Variants in PTPN12 observed in about 807,000 individuals in gnomAD.
PTPN12 encodes the protein protein tyrosine phosphatase non-receptor type 12.
Under a neutral mutation model 97.6 loss-of-function variants are expected in PTPN12, and 29 were observed. The observed-to-expected ratio is 0.30, with a 90% CI of 0.22 to 0.41. The LOEUF is 0.41. Ranked by LOEUF, PTPN12 falls within the 10% of genes least tolerant of loss-of-function variation. The pLI is 1.00. For synonymous variants in PTPN12, 327 were observed against 300.4 expected (o/e 1.09, Z -0.91); for missense variants, 819 against 926.0 (o/e 0.88, Z 1.50).
At position 77,639,382 on chromosome 7, in the gene PTPN12, G is replaced by A. The variant is rs192493888; in HGVS notation, c.*102G>A. Reference sequence around the variant, plus strand: ...TCTTTAATATGTGGGACTAACAGCAGTGTAGATTGTTACCTTAATATTTTT... The same window carrying A: ...TCTTTAATATGTGGGACTAACAGCAATGTAGATTGTTACCTTAATATTTTT... On this transcript the variant is annotated 3_prime_UTR_variant, in exon 18 of 18. Coordinates refer to ENST00000248594, the MANE Select transcript of PTPN12 (RefSeq NM_002835.4). The A allele has an allele frequency of 9.9e-6, 9 of 908,170 alleles. No homozygotes were observed. In the African/African-American group the frequency reaches 1.3e-4, roughly 14 times the overall value. The allele number at this position is 908,170 out of a possible 1,614,324, so 56.3% of individuals were successfully genotyped here. A position where few individuals can be genotyped will look rare whatever the true frequency, so the allele number is the denominator to read the frequency against.
chr7:77,578,774 A>G (rs957602834), intron 2 of PTPN12, among the ~76,000 whole-genome samples: 3 of 152,184 alleles, frequency 2.0e-5, no homozygotes, highest in Non-Finnish European at 4.4e-5. Context: ...TTTACATGTT[A>G]TATGTTATGG....
Position 77,603,883 on chromosome 7 carries a change from C to CTTTTTT in PTPN12, c.695+3095_695+3100dup, listed in dbSNP as rs773037726. Among the ~76,000 whole-genome samples, 62 of 87,858 alleles carry CTTTTTT rather than the reference C, an allele frequency of 7.1e-4. 2 individuals are homozygous for CTTTTTT. Among genetic ancestry groups the CTTTTTT allele is most frequent in the African/African-American group, 1.4e-3 (27 of 19,888 alleles). 57.6% of individuals were successfully genotyped at this position (87,858 alleles called of 152,430 possible). On this transcript the variant is annotated intron_variant, in intron 8 of 17. Coordinates refer to ENST00000248594, the MANE Select transcript of PTPN12 (RefSeq NM_002835.4). ...ATACTGTGTGTTATCTTTTTGTTTG[C>CTTTTTT]TTTTTTTTTTTTTTTTTTTTTTTGA... is the stretch of plus-strand genomic sequence containing the variant.
chr7:77,576,771 G>A (rs1787357217), intron 2 of PTPN12, among the ~76,000 whole-genome samples: 1 of 152,170 alleles, frequency 6.6e-6, no homozygotes, highest in South Asian at 2.1e-4. Context: ...AGTTCCCGGC[G>A]CTTTGCCGGG....
intron 11 of PTPN12, among the ~76,000 whole-genome samples, chr7:77,616,213 A>G (rs145709323): frequency 2.1e-4 from 32 of 152,112 alleles, no homozygotes; most frequent in African/African-American, 7.5e-4. Context: ...CAATCCCTCA[A>G]TGCCATTCTG....
chr7:77,615,903 G>C (rs1249429808), intron 11 of PTPN12, among the ~76,000 whole-genome samples: 3 of 152,182 alleles, frequency 2.0e-5, no homozygotes, highest in African/African-American at 7.2e-5. Context: ...AGGAGGTTTT[G>C]TACATGCTGT....
chr7:77,613,956 A>G (rs115568590), intron 11 of PTPN12, among the ~76,000 whole-genome samples: 2,379 of 152,166 alleles, frequency 0.016, 63 homozygotes, highest in African/African-American at 0.054. Context: ...CAGTGGAACA[A>G]TCAGGGCTCA....
chr7:77,625,524 A>T (rs6953990), intron 12 of PTPN12, among the ~76,000 whole-genome samples: 2,961 of 16,150 alleles, frequency 0.18, 201 homozygotes, highest in Middle Eastern at 0.27. Context: ...TCTCTCTCTC[A>T]CTCTCACTCT....
intron 12 of PTPN12, among the ~76,000 whole-genome samples, chr7:77,621,530 G>A (rs1470415076): frequency 2.0e-5 from 3 of 152,016 alleles, no homozygotes; most frequent in South Asian, 2.1e-4. Context: ...TTAGCTGGGC[G>A]TTGTGGCGGG....
Position 77,605,409 on chromosome 7 carries a change from GTTTTTTT to G in PTPN12, c.696-1804_696-1798del, listed in dbSNP as rs751962814. On this transcript the variant is annotated intron_variant, in intron 8 of 17. Coordinates refer to ENST00000248594, the MANE Select transcript of PTPN12 (RefSeq NM_002835.4). Reference sequence around the variant, plus strand: ...TTACTTTAAAATACTTTTGTCATGAGTTTTTTTTTTTTTTTTTTTTTTTTTTTTGAGA... The same window carrying G: ...TTACTTTAAAATACTTTTGTCATGAGTTTTTTTTTTTTTTTTTTTTTGAGA... 2.2e-4 allele frequency among the ~76,000 whole-genome samples: 21 copies of G among 95,560 alleles called. 3 individuals carry two copies. Among genetic ancestry groups the G allele is most frequent in the Admixed American group, 5.3e-4 (4 of 7,552 alleles). 62.7% of individuals were successfully genotyped at this position (95,560 alleles called of 152,430 possible).
At chr7:77,591,394 A>C (rs1165436155) in intron 5 of PTPN12, among the ~76,000 whole-genome samples, 1 of 152,230 alleles carries the variant, frequency 6.6e-6, no homozygotes, top group Non-Finnish European at 1.5e-5. Context: ...TATTTTCCAT[A>C]AAGTTAGGCT....
At chr7:77,620,947 C>T (rs1006757679) in intron 12 of PTPN12, among the ~76,000 whole-genome samples, 21 of 150,676 alleles carry the variant, frequency 1.4e-4, no homozygotes, top group Non-Finnish European at 1.9e-4. Flanking sequence ...GACTTTGTCT[C>T]AAAAATAAAA....
chr7:77,583,813 T>C (rs1787600098), intron 4 of PTPN12, 163 bp downstream of exon 4: 2 of 477,704 alleles, frequency 4.2e-6, no homozygotes, highest in Non-Finnish European at 7.3e-6. Flanking sequence ...GATGTCTCAT[T>C]AAATTTTTAC....
intron 3 of PTPN12, among the ~76,000 whole-genome samples, chr7:77,582,955 A>T (rs1787570849): frequency 6.6e-6 from 1 of 152,164 alleles, no homozygotes; most frequent in Admixed American, 6.5e-5. Flanking sequence ...CAATGTTCAT[A>T]TTCTTTTTTT....
At chr7:77,585,035 TTAA>T (rs1380304729) in intron 4 of PTPN12, 1 of 152,252 alleles carries the variant, frequency 6.6e-6, no homozygotes, top group Non-Finnish European at 1.5e-5. Context: ...TGGTGAAATG[TTAA>T]TGATAGAATA....
intron 1 of PTPN12, among the ~76,000 whole-genome samples, chr7:77,567,329 G>A (rs1247825655): frequency 1.3e-5 from 2 of 152,092 alleles, no homozygotes; most frequent in Admixed American, 1.3e-4. Flanking sequence ...AGTAAGAAAT[G>A]TAAGTGTTCT....
intron 1 of PTPN12, among the ~76,000 whole-genome samples, chr7:77,553,898 T>C (rs934792289): frequency 7.1e-6 from 1 of 141,326 alleles, no homozygotes; most frequent in Non-Finnish European, 1.6e-5. Context: ...GCAGTTTTAA[T>C]TCAAAATATC....
intron 6 of PTPN12, among the ~76,000 whole-genome samples, chr7:77,593,403 G>A (rs1439512102): frequency 6.6e-6 from 1 of 152,208 alleles, no homozygotes; most frequent in African/African-American, 2.4e-5. Flanking sequence ...ACGAGGAATT[G>A]GCTCAGGCAG....
chr7:77,540,306 C>T (rs919291434), intron 1 of PTPN12, among the ~76,000 whole-genome samples: 17 of 150,094 alleles, frequency 1.1e-4, no homozygotes, highest in African/African-American at 3.9e-4. Context: ...GGCTCAATCT[C>T]GGCTCACTGC....
Position 77,627,603 on chromosome 7 carries a change from A to G in PTPN12, c.1924A>G (p.Thr642Ala), listed in dbSNP as rs1789245245. 1 of 1,612,874 alleles carries G rather than the reference A, an allele frequency of 6.2e-7. No homozygotes were observed. Among genetic ancestry groups the G allele is most frequent in the African/African-American group, 1.3e-5 (1 of 74,888 alleles). The change falls in exon 13 of 18, where the codon ACT becomes GCT. Residue 642 changes from threonine (T) to alanine (A), a missense_variant. Thr to Ala is a moderately conservative substitution (Grantham distance 58). Transcript: ENST00000248594. Reference sequence around the variant, plus strand: ...TGCCACTAGTACTGAAAGCATTTCTACTAGGAAAGTATTGCCAATGTCCAT... The same window carrying G: ...TGCCACTAGTACTGAAAGCATTTCTGCTAGGAAAGTATTGCCAATGTCCAT... ...SAATSTESISTRKVLPMSIAR... is the reference protein window; with the variant it reads ...SAATSTESISARKVLPMSIAR...
Sources: gnomAD v4.1 joint callset for allele counts (sites outside exome capture counted in the v4.1 genomes callset) on GRCh38, gnomAD v4.1.1 for gene constraint, MANE v1.5 for transcripts, NCBI Gene and HGNC (gene_info 2026-07-23, HGNC 2026-07-21) for gene names.